Variants in RIMS1 observed in about 807,000 individuals in gnomAD.
RIMS1 encodes the protein regulating synaptic membrane exocytosis 1.
Under a neutral mutation model 214.1 loss-of-function variants are expected in RIMS1, and 83 were observed. That is an observed-to-expected ratio of 0.39 (90% CI 0.32 to 0.47). The LOEUF is 0.47. Among genes scored for constraint, RIMS1 ranks in the 20% least tolerant of loss-of-function variants. The pLI is 0.99. For missense variants in RIMS1, 2,050 were observed against 2,161.8 expected, an observed-to-expected ratio of 0.95 and a Z score of 1.03; for synonymous variants, 793 against 786.8, an observed-to-expected ratio of 1.01 and a Z score of -0.13.
chr6:71,953,283 C>T (rs1790207971), intron 1 of RIMS1, among the ~76,000 whole-genome samples: 1 of 152,124 alleles, frequency 6.6e-6, no homozygotes, highest in South Asian at 2.1e-4. Context: ...GCCACCTCGC[C>T]CGGTCAAGGA....
At chr6:72,119,820 C>A (rs1407991982) in intron 4 of RIMS1, among the ~76,000 whole-genome samples, 2 of 151,646 alleles carry the variant, frequency 1.3e-5, no homozygotes, top group East Asian at 3.9e-4. Flanking sequence ...AACCCCACAA[C>A]AGGCCCCTGT....
chr6:72,067,530 C>G (rs568606149), intron 2 of RIMS1, among the ~76,000 whole-genome samples: 2 of 152,166 alleles, frequency 1.3e-5, no homozygotes, highest in Non-Finnish European at 2.9e-5. Flanking sequence ...ACTGCCCTCC[C>G]ACATGCCTAG....
chr6:72,126,156 A>G (rs186342860), intron 4 of RIMS1, among the ~76,000 whole-genome samples: 844 of 63,858 alleles, frequency 0.013, 9 homozygotes, highest in African/African-American at 0.044. Flanking sequence ...AAAGCATACA[A>G]GAACAAAAAT....
chr6:72,124,958 G>A (rs1247112548), intron 4 of RIMS1, among the ~76,000 whole-genome samples: 1 of 151,980 alleles, frequency 6.6e-6, no homozygotes, highest in East Asian at 1.9e-4. Context: ...TGTTATTGTC[G>A]ACCTTCTGAA....
intron 26 of RIMS1, among the ~76,000 whole-genome samples, chr6:72,303,825 T>G (rs906531775): frequency 4.0e-5 from 6 of 151,516 alleles, no homozygotes; most frequent in Non-Finnish European, 7.4e-5. Context: ...CATAATTCAG[T>G]TGGTACCTTA....
intron 19 of RIMS1, chr6:72,263,107 A>G (rs1027633979): frequency 6.1e-6 from 6 of 983,172 alleles, no homozygotes; most frequent in African/African-American, 3.5e-5. Flanking sequence ...GTCCTATGAG[A>G]TGTTTCACCA....
At chr6:72,006,526 G>A (rs771685072) in intron 2 of RIMS1, among the ~76,000 whole-genome samples, 23 of 152,316 alleles carry the variant, frequency 1.5e-4, no homozygotes, top group African/African-American at 4.3e-4. Context: ...GAGGCAAGGC[G>A]AGGCATTGCC....
intron 2 of RIMS1, among the ~76,000 whole-genome samples, chr6:72,010,545 T>G (rs1562103179): frequency 6.6e-6 from 1 of 152,236 alleles, no homozygotes. Context: ...AAATTGTCCC[T>G]GTTTGCAGAT....
intron 2 of RIMS1, among the ~76,000 whole-genome samples, chr6:72,076,697 A>G (rs1364529273): frequency 6.6e-6 from 1 of 152,132 alleles, no homozygotes; most frequent in African/African-American, 2.4e-5. Context: ...TCCAGGGATG[A>G]TGCTATCCTG....
At chr6:72,249,165 A>G (rs2071777221) in intron 12 of RIMS1, among the ~76,000 whole-genome samples, 1 of 152,220 alleles carries the variant, frequency 6.6e-6, no homozygotes. Context: ...ATGTTCTAAC[A>G]TATACCTATT....
rs796836923 is a variant in RIMS1, at chr6:72,106,852, AT to A, written c.471+6869del. On this transcript the variant is annotated intron_variant, in intron 4 of 33. Transcript: ENST00000521978. ...AATTGTTATTAGATATCAAAGGACC[AT>A]TTGGGAGGACTCTTGTATATGAGAT... is the stretch of plus-strand genomic sequence containing the variant. Among the ~76,000 whole-genome samples the A allele has an allele frequency of 3.3e-5, 5 of 152,286 alleles. No homozygotes were observed. In the East Asian group the frequency reaches 9.7e-4, roughly 29 times the overall value.
At chr6:72,312,106 T>G (rs2095541175) in intron 27 of RIMS1, among the ~76,000 whole-genome samples, 2 of 152,222 alleles carry the variant, frequency 1.3e-5, no homozygotes, top group Non-Finnish European at 1.5e-5. Flanking sequence ...TTAGTACCTA[T>G]AAATCCAGGT....
intron 4 of RIMS1, among the ~76,000 whole-genome samples, chr6:72,142,300 C>CG (rs1562412934): frequency 6.6e-6 from 1 of 151,922 alleles, no homozygotes; most frequent in African/African-American, 2.4e-5. Context: ...TGATTCCCCC[C>CG]CTACAGTGCC....
chr6:72,317,329 G>A (rs184446775), intron 28 of RIMS1: 15 of 255,150 alleles, frequency 5.9e-5, no homozygotes, highest in Admixed American at 5.8e-4. Context: ...CCACCATAGC[G>A]ACTCTGCTGG....
intron 6 of RIMS1, among the ~76,000 whole-genome samples, chr6:72,223,291 G>A (rs1490301760): frequency 6.6e-6 from 1 of 152,074 alleles, no homozygotes; most frequent in African/African-American, 2.4e-5. Flanking sequence ...AGTAATACCT[G>A]CACATCAGTT....
chr6:72,078,028 G>A (rs1832359563), intron 2 of RIMS1, among the ~76,000 whole-genome samples: 1 of 152,166 alleles, frequency 6.6e-6, no homozygotes, highest in Non-Finnish European at 1.5e-5. Context: ...TGTTTACTAT[G>A]ATGGTATTTA....
At chr6:72,181,592 A>C (rs2153969269) in intron 5 of RIMS1, among the ~76,000 whole-genome samples, 1 of 152,348 alleles carries the variant, frequency 6.6e-6, no homozygotes, top group South Asian at 2.1e-4. Flanking sequence ...TTTTAGTTAA[A>C]ATTTGAAGAA....
intron 29 of RIMS1, among the ~76,000 whole-genome samples, chr6:72,359,711 AG>A (rs1209279833): frequency 6.6e-6 from 1 of 152,208 alleles, no homozygotes; most frequent in Non-Finnish European, 1.5e-5. Flanking sequence ...TAAAATAGCA[AG>A]GGTTCCTTTC....
chr6:71,972,746 A>G (rs1158200052), intron 2 of RIMS1, among the ~76,000 whole-genome samples: 1 of 152,206 alleles, frequency 6.6e-6, no homozygotes, highest in Non-Finnish European at 1.5e-5. Context: ...TCTTTTTCTT[A>G]AGAGTTTCTT....
Sources: allele counts gnomAD v4.1 joint callset (sites outside exome capture counted in the v4.1 genomes callset), GRCh38; gene constraint gnomAD v4.1.1; transcripts MANE v1.5; gene names NCBI Gene and HGNC (gene_info 2026-07-23, HGNC 2026-07-21).